The following DUS4L variants were observed in gnomAD, a reference collection of about 807,000 sequenced individuals.
The protein encoded by DUS4L is dihydrouridine synthase 4 like.
A neutral mutation model predicts 33.8 loss-of-function variants in DUS4L; 31 were observed. The observed-to-expected ratio is 0.92, with a 90% confidence interval of 0.69 to 1.24. The LOEUF (loss-of-function observed/expected upper bound fraction) is 1.24, where lower values mean the gene tolerates loss of function less well. Among genes scored for constraint, DUS4L ranks in the 50% most tolerant of loss-of-function variants. DUS4L has a pLI of 0.00. For missense variants in DUS4L, 368 were observed against 388.6 expected (o/e 0.95, Z 0.45); for synonymous variants, 103 against 120.3 (o/e 0.86, Z 0.94).
At chr7:107,573,629 A>G (rs1349378565) in intron 4 of DUS4L, 75 bp from the exon 5 acceptor site, 22 of 1,432,034 alleles carry the variant, frequency 1.5e-5, no homozygotes, top group Non-Finnish European at 1.7e-5. Flanking sequence ...ATCCTGTACA[A>G]ACATTAAAGT....
At position 107,576,500 on chromosome 7, in the gene DUS4L, T is replaced by C. The variant is rs779598842; in HGVS notation, c.614T>C (p.Ile205Thr). ...GTGCACTATGATTCCATTAAAATAATTAAGGAAAATATGTCTATACCTGTA... is the reference window on the plus strand; with the variant it reads ...GTGCACTATGATTCCATTAAAATAACTAAGGAAAATATGTCTATACCTGTA... ...QPVHYDSIKI[I>T]KENMSIPVIA... is the part of the protein sequence containing the mutation. The change falls in exon 7 of 8, where the codon ATT becomes ACT. Residue 205 changes from isoleucine (I) to threonine (T), a missense_variant. Ile to Thr is a moderately conservative substitution (Grantham distance 89). Transcript: ENST00000265720. The C allele has an allele frequency of 6.2e-7, 1 of 1,610,160 alleles. No individual in the cohort carries two copies. Among genetic ancestry groups the C allele is most frequent in the Non-Finnish European group, 8.5e-7 (1 of 1,178,932 alleles).
chr7:107,570,911 G>A (rs1805165659), intron 3 of DUS4L: 1 of 429,010 alleles, frequency 2.3e-6, no homozygotes, highest in East Asian at 5.5e-5. Context: ...CATTCCTCAG[G>A]TCCTGAGGTC....
rs1212267013 is a variant in DUS4L, at chr7:107,573,928, G to A, written c.356+107G>A. 3.0e-6 allele frequency: 4 copies of A among 1,347,336 alleles called. No individual in the cohort carries two copies. In the East Asian group the frequency reaches 8.2e-5, roughly 28 times the overall value. The allele number at this position is 1,347,336 out of a possible 1,614,324, so 83.5% of individuals were successfully genotyped here. On this transcript the variant is annotated intron_variant, in intron 5 of 7. Coordinates refer to ENST00000265720, the MANE Select transcript of DUS4L (RefSeq NM_181581.3). ...TTCCAAAAATTAAAAAGAAAATAGA[G>A]TTACAGTCCCAGGGCTCAAAACAAG...
chr7:107,567,638 T>A, intron 3 of DUS4L: 1 of 263,706 alleles, frequency 3.8e-6, no homozygotes, highest in South Asian at 4.0e-5. Context: ...AGAAGTTTGT[T>A]ATAAAATATA....
intron 5 of DUS4L, among the ~76,000 whole-genome samples, chr7:107,574,730 C>T (rs1178885226): frequency 4.6e-5 from 7 of 152,082 alleles, no homozygotes; most frequent in Admixed American, 4.6e-4. Flanking sequence ...TTAAGTATAG[C>T]GTAATCGAAA....
At position 107,576,597 on chromosome 7, in the gene DUS4L, G is replaced by A. The variant is rs750553254; in HGVS notation, c.706+5G>A. The A allele has an allele frequency of 6.4e-7, 1 of 1,566,580 alleles. No individual in the cohort carries two copies. Among genetic ancestry groups the A allele is most frequent in the South Asian group, 1.2e-5 (1 of 84,174 alleles). Reference sequence around the variant, plus strand: ...GGCGGATTACTGGGACAGATGGTAAGAAATAAGTACTTGGGTTCTTTTAAT... The same window carrying A: ...GGCGGATTACTGGGACAGATGGTAAAAAATAAGTACTTGGGTTCTTTTAAT... On this transcript the variant is annotated splice_donor_5th_base_variant and intron_variant, in intron 7 of 7. Transcript: ENST00000265720.
intron 3 of DUS4L, among the ~76,000 whole-genome samples, chr7:107,568,345 T>TTA (rs1458098787): frequency 1.3e-5 from 2 of 152,220 alleles, no homozygotes; most frequent in Non-Finnish European, 2.9e-5. Flanking sequence ...TCATCAACAC[T>TTA]TGTTATGTTC....
chr7:107,572,779 G>A (rs753980452), intron 4 of DUS4L, among the ~76,000 whole-genome samples: 5 of 151,674 alleles, frequency 3.3e-5, no homozygotes, highest in East Asian at 1.9e-4. Flanking sequence ...AACCTGGGAC[G>A]CAGAGGTTGC....
chr7:107,573,936 C>T, intron 5 of DUS4L, 115 bp downstream of exon 5: 3 of 1,304,462 alleles, frequency 2.3e-6, no homozygotes, highest in Non-Finnish European at 3.0e-6. Context: ...GAGTTACAGT[C>T]CCAGGGCTCA....
chr7:107,566,920 C>T, intron 2 of DUS4L, 130 bp from the exon 3 acceptor site: 1 of 567,178 alleles, frequency 1.8e-6, no homozygotes, highest in Non-Finnish European at 3.0e-6. Flanking sequence ...TGAAAATAAG[C>T]TATTAATAAA....
chr7:107,567,615 A>G (rs1173051197), intron 3 of DUS4L: 5 of 256,108 alleles, frequency 2.0e-5, no homozygotes, highest in South Asian at 8.8e-5. Flanking sequence ...CTCTTTTACT[A>G]TTGAGTTTTT....
chr7:107,574,843 T>C (rs895216764), intron 5 of DUS4L: 1 of 317,652 alleles, frequency 3.1e-6, no homozygotes, highest in African/African-American at 2.3e-5. Flanking sequence ...TTGAGACTAA[T>C]AAAACCTCTT....
chr7:107,576,269 C>A, intron 6 of DUS4L, 97 bp from the exon 7 acceptor site: 1 of 1,211,114 alleles, frequency 8.3e-7, no homozygotes, highest in South Asian at 1.4e-5. Context: ...TATAGCAAAG[C>A]TAACTAATTT....
At chr7:107,575,489 TC>T in intron 6 of DUS4L, 179 bp downstream of exon 6, 2 of 607,834 alleles carry the variant, frequency 3.3e-6, no homozygotes, top group Non-Finnish European at 4.9e-6. Context: ...TCATTTATAG[TC>T]CTGAAAAACT....
rs1289751481 is a variant in DUS4L, at chr7:107,571,284, T to C, written c.238+18T>C. Reference sequence around the variant, plus strand: ...AAATCAAGGTATGTGAAACCGAGTGTACTGACTTTGTAAAACTTTTTAAAT... The same window carrying C: ...AAATCAAGGTATGTGAAACCGAGTGCACTGACTTTGTAAAACTTTTTAAAT... On this transcript the variant is annotated intron_variant, in intron 4 of 7. Coordinates refer to ENST00000265720, the MANE Select transcript of DUS4L (RefSeq NM_181581.3). The C allele has an allele frequency of 1.3e-6, 2 of 1,591,328 alleles. No individual in the cohort carries two copies. The highest frequency in any genetic ancestry group is 2.3e-5 in the South Asian group (2 of 86,364).
intron 3 of DUS4L, among the ~76,000 whole-genome samples, chr7:107,568,729 GA>G (rs1804930687): frequency 1.3e-5 from 2 of 152,268 alleles, no homozygotes; most frequent in Non-Finnish European, 2.9e-5. Context: ...TCAAGTATAA[GA>G]AACCTTTATG....
In DUS4L at chr7:107,573,720, T is replaced by C. The variant is rs145385676; in HGVS notation, c.255T>C (p.Ile85=). The C allele has an allele frequency of 1.5e-5, 24 of 1,608,552 alleles. No homozygotes were observed. Among genetic ancestry groups the C allele is most frequent in the Middle Eastern group, 3.3e-4 (2 of 6,052 alleles). Residue 85 remains isoleucine, a synonymous_variant, in exon 5 of 8, where the codon ATT becomes ATC. Coordinates refer to ENST00000265720, the MANE Select transcript of DUS4L (RefSeq NM_181581.3). ...FTTNQGDCPL[I]VQFAANDARL... is the part of the protein sequence containing the mutation. ...TTTTGTCAGGTGATTGCCCATTGATTGTTCAGTTTGCTGCTAACGATGCAA... is the reference window on the plus strand; with the variant it reads ...TTTTGTCAGGTGATTGCCCATTGATCGTTCAGTTTGCTGCTAACGATGCAA...
intron 4 of DUS4L, 92 bp from the exon 5 acceptor site, chr7:107,573,612 C>A: frequency 8.1e-7 from 1 of 1,229,274 alleles, no homozygotes. Context: ...ATCGTTATTG[C>A]TATTTTATCC....
chr7:107,573,826 A>T lies in DUS4L; in HGVS notation c.356+5A>T. On this transcript the variant is annotated splice_donor_5th_base_variant and intron_variant, in intron 5 of 7. Transcript: ENST00000265720. Reference sequence around the variant, plus strand: ...TAACTGTGGTTGCCCTCAGAGGTAAAGCTCAAAGAAGTTGGAAGAATTTTC... The same window carrying T: ...TAACTGTGGTTGCCCTCAGAGGTAATGCTCAAAGAAGTTGGAAGAATTTTC... 1 of 1,502,670 alleles carries T rather than the reference A, an allele frequency of 6.7e-7. No homozygotes were observed. The highest frequency in any genetic ancestry group is 8.9e-7 in the Non-Finnish European group (1 of 1,123,416). The allele number at this position is 1,502,670 out of a possible 1,614,324, so 93.1% of individuals were successfully genotyped here. A position where few individuals can be genotyped will look rare whatever the true frequency, so the allele number is the denominator to read the frequency against.
Sources: allele counts gnomAD v4.1 joint callset (sites outside exome capture counted in the v4.1 genomes callset), GRCh38; gene constraint gnomAD v4.1.1; transcripts MANE v1.5; gene names NCBI Gene and HGNC (gene_info 2026-07-23, HGNC 2026-07-21).